TESPA1: variants seen among roughly 807,000 people sequenced by gnomAD.
The protein encoded by TESPA1 is protein TESPA1.
A neutral mutation model predicts 57.9 loss-of-function variants in TESPA1; 33 were observed. That is an observed-to-expected ratio of 0.57 (90% CI 0.43 to 0.76). The LOEUF is 0.76. TESPA1 is among the 30% of genes least tolerant of loss of function. The pLI, the probability that TESPA1 is intolerant of heterozygous loss-of-function variation, is 0.00. For missense variants in TESPA1, 618 were observed against 632.9 expected (o/e 0.98, Z 0.25); for synonymous variants, 227 against 228.9 (o/e 0.99, Z 0.07).
chr12:54,962,625 G>T lies in TESPA1; in HGVS notation c.1273C>A (p.Pro425Thr), dbSNP rs765407519. 4.3e-6 allele frequency: 7 copies of T among 1,613,890 alleles called. No individual in the cohort carries two copies. The Admixed American group carries it at 1.2e-4, about 27-fold the overall frequency. The change falls in exon 9 of 11, where the codon CCA (proline) becomes ACA (threonine). Residue 425 changes from proline to threonine, a missense_variant. By Grantham distance (38) the Pro-to-Thr change is conservative. Transcript: ENST00000449076. ...TTCCAGAAAGTCTCATCCTTGGCTG[G>T]ATGGGTTTCCGTATTGGTGGCTGGT... The part of the protein sequence containing the change: ...SLPATNTETH[P>T]AKDETFWKRK...
rs147959428 is a variant in TESPA1 at position 54,969,019 on chromosome 12, A to ATGTGTGTGTG, written c.207-1128_207-1127insCACACACACA. On this transcript the variant is annotated intron_variant, in intron 3 of 10. Coordinates refer to ENST00000449076, the MANE Select transcript of TESPA1 (RefSeq NM_001136030.3). ...AAAATAAGTCACTACATATTTATAT[A>ATGTGTGTGTG]TGTATATATATATATATATATATAT... Among the ~76,000 whole-genome samples, 533 of 127,714 alleles carry ATGTGTGTGTG rather than the reference A, an allele frequency of 4.2e-3. 9 individuals are homozygous for ATGTGTGTGTG. The highest frequency in any genetic ancestry group is 0.021 in the Middle Eastern group (5 of 240). The allele number at this position is 127,714 out of a possible 152,430, so 83.8% of individuals were successfully genotyped here.
intron 10 of TESPA1, among the ~76,000 whole-genome samples, chr12:54,951,672 G>C (rs1950399730): frequency 6.6e-6 from 1 of 151,956 alleles, no homozygotes; most frequent in African/African-American, 2.4e-5. Context: ...CAAATACAAT[G>C]GTATCTTTGC....
In TESPA1 at chr12:54,962,728, A is replaced by G. The variant is rs2136102924; in HGVS notation, c.1170T>C (p.Cys390=). The change falls in exon 9 of 11, where the codon TGT becomes TGC. Residue 390 remains cysteine (C), a synonymous_variant. Transcript: ENST00000449076. ...QTLDSNPKVP[C]CTHSLPIEDP... ...CTTCTATGGGCAGAGAATGTGTGCA[A>G]CAGGGTACCTTGGGGTTCGAATCCA... 3 of 1,613,930 alleles carry G rather than the reference A, an allele frequency of 1.9e-6. No individual in the cohort carries two copies. Among genetic ancestry groups the G allele is most frequent in the East Asian group, 2.2e-5 (1 of 44,870 alleles).
intron 2 of TESPA1, 196 bp from the exon 3 acceptor site, chr12:54,973,715 T>G: frequency 7.4e-7 from 1 of 1,344,992 alleles, no homozygotes; most frequent in South Asian, 2.0e-5. Context: ...CTCTCTCTGC[T>G]TCTTTTCTCC....
At chr12:54,971,725 T>A (rs7298237) in intron 3 of TESPA1, among the ~76,000 whole-genome samples, 16,536 of 150,372 alleles carry the variant, frequency 0.11, 996 homozygotes, top group Middle Eastern at 0.13. Context: ...TAATATATAA[T>A]GTAAAATAAA....
At chr12:54,972,182 G>A (rs940004734) in intron 3 of TESPA1, among the ~76,000 whole-genome samples, 16 of 152,162 alleles carry the variant, frequency 1.1e-4, no homozygotes, top group African/African-American at 3.9e-4. Flanking sequence ...ATAAATTTTG[G>A]TTCAGGGTTT....
At position 54,974,441 on chromosome 12, in the gene TESPA1, G is replaced by A. The variant is rs745747787; in HGVS notation, c.122C>T (p.Pro41Leu). 1.9e-5 allele frequency: 30 copies of A among 1,610,464 alleles called. No individual in the cohort carries two copies. The highest frequency in any genetic ancestry group is 1.7e-4 in the Middle Eastern group (1 of 6,054). The change falls in exon 2 of 11, where the codon CCA (proline) becomes CTA (leucine). Residue 41 changes from proline to leucine, a missense_variant. Pro to Leu is a moderately conservative substitution (Grantham distance 98). Around this residue, in one of 3 missense-constraint regions of TESPA1, gnomAD observed 199 missense variants for 184.0 expected, o/e 1.08. Coordinates refer to ENST00000449076, the MANE Select transcript of TESPA1 (RefSeq NM_001136030.3). ...EEAAAALQDV[P>L]DPEPSSLDDV... Reference sequence around the variant, plus strand: ...ATCCAGGCTGGAAGGCTCAGGATCTGGGACATCCTGCAGGGCGGCGGCAGC... The same window carrying A: ...ATCCAGGCTGGAAGGCTCAGGATCTAGGACATCCTGCAGGGCGGCGGCAGC...
intron 6 of TESPA1, 116 bp from the exon 7 acceptor site, chr12:54,966,267 C>T (rs760990194): frequency 1.5e-5 from 24 of 1,577,670 alleles, no homozygotes; most frequent in South Asian, 8.9e-5. Flanking sequence ...AGTGCTTGTT[C>T]GTTGGAAAGT....
In TESPA1 at chr12:54,976,697, A is replaced by G. The variant is rs78913657; in HGVS notation, c.-45-2090T>C. On this transcript the variant is annotated intron_variant, in intron 1 of 10. Transcript: ENST00000449076. ...TAGCCCTAACATTGATGCATCTAAT[A>G]CTACAAACTTCTGGATGTGCTATTT... Among the ~76,000 whole-genome samples the G allele has an allele frequency of 2.9e-4, 44 of 152,286 alleles. No homozygotes were observed. In the East Asian group the frequency reaches 8.3e-3, roughly 29 times the overall value.
intron 9 of TESPA1, 85 bp from the exon 10 acceptor site, chr12:54,961,352 G>A: frequency 6.8e-7 from 1 of 1,460,804 alleles, no homozygotes; most frequent in Non-Finnish European, 9.5e-7. Context: ...AGCTGTAGGG[G>A]AAGGAGGCTG....
intron 3 of TESPA1, among the ~76,000 whole-genome samples, chr12:54,969,437 A>C (rs1471795330): frequency 1.3e-5 from 2 of 152,066 alleles, no homozygotes; most frequent in Admixed American, 6.6e-5. Flanking sequence ...TAGTGCCACT[A>C]CTAAGGCCTA....
intron 4 of TESPA1, 122 bp from the exon 5 acceptor site, chr12:54,967,358 A>G: frequency 9.2e-7 from 1 of 1,084,368 alleles, no homozygotes; most frequent in Non-Finnish European, 1.4e-6. Flanking sequence ...ACAACCAGAT[A>G]ATCATACTAG....
At chr12:54,953,393 TTACC>T (rs1262853997) in intron 10 of TESPA1, among the ~76,000 whole-genome samples, 1 of 152,188 alleles carries the variant, frequency 6.6e-6, no homozygotes, top group African/African-American at 2.4e-5. Context: ...GTCTTTGAAC[TTACC>T]TTTCTCTCTG....
chr12:54,974,620 A>G lies in TESPA1; in HGVS notation c.-45-13T>C. On this transcript the variant is annotated splice_polypyrimidine_tract_variant and intron_variant, in intron 1 of 10. Transcript: ENST00000449076. Reference sequence around the variant, plus strand: ...CAGTAATGCCGTCCTAAGAGTTGAAAAACAGTGATACTCCCTCATCATATG... The same window carrying G: ...CAGTAATGCCGTCCTAAGAGTTGAAGAACAGTGATACTCCCTCATCATATG... The G allele has an allele frequency of 1.4e-6, 2 of 1,429,762 alleles. No individual in the cohort carries two copies. The highest frequency in any genetic ancestry group is 1.8e-6 in the Non-Finnish European group (2 of 1,083,186). 88.6% of individuals were successfully genotyped at this position (1,429,762 alleles called of 1,614,324 possible).
intron 3 of TESPA1, among the ~76,000 whole-genome samples, chr12:54,972,206 A>C (rs1477722225): frequency 6.6e-6 from 1 of 152,218 alleles, no homozygotes; most frequent in Non-Finnish European, 1.5e-5. Context: ...TTTGTAGAGC[A>C]TGAGTGAAGA....
Position 54,949,379 on chromosome 12 carries a change from GTTT to G in TESPA1, c.*1010_*1012del, listed in dbSNP as rs10580548. On this transcript the variant is annotated 3_prime_UTR_variant, in exon 11 of 11. Coordinates refer to ENST00000449076, the MANE Select transcript of TESPA1 (RefSeq NM_001136030.3). ...AATTCCCTCAAGTCCCTCTCTTCCTGTTTTTTTTTTTTTTTTCTTTTGTCTCAC... is the reference window on the plus strand; with the variant it reads ...AATTCCCTCAAGTCCCTCTCTTCCTGTTTTTTTTTTTTTCTTTTGTCTCAC... 5.6e-3 allele frequency: 793 copies of G among 141,506 alleles called. 7 individuals are homozygous for G. Among genetic ancestry groups the G allele is most frequent in the South Asian group, 0.012 (53 of 4,550 alleles). The allele number at this position is 141,506 out of a possible 1,614,324, so 8.8% of individuals were successfully genotyped here.
rs79010519 is a variant in TESPA1, at chr12:54,959,379, G to A, written c.*1+1789C>T. Among the ~76,000 whole-genome samples the A allele has an allele frequency of 3.3e-4, 50 of 152,330 alleles. No homozygotes were observed. The East Asian group carries it at 6.6e-3, about 20-fold the overall frequency. The stretch of plus-strand genomic sequence containing the variant: ...AAGACTTTGTTAAGAGGAATAGAAT[G>A]CTCTGCTGCATTTCAAAATGGTTCC... On this transcript the variant is annotated intron_variant, in intron 10 of 10. Coordinates refer to ENST00000449076, the MANE Select transcript of TESPA1 (RefSeq NM_001136030.3).
In TESPA1 at chr12:54,963,784, C is replaced by A. The variant is rs1281782116; in HGVS notation, c.613G>T (p.Val205Leu). 1.2e-6 allele frequency: 2 copies of A among 1,613,852 alleles called. No homozygotes were observed. Among genetic ancestry groups the A allele is most frequent in the Non-Finnish European group, 1.7e-6 (2 of 1,179,880 alleles). Reference protein sequence around the residue: ...IDFQLFLKSQVRRIEMEDPCL... With the variant: ...IDFQLFLKSQLRRIEMEDPCL... ...GGGTCTTCCATTTCAATCCTCCGCA[C>A]CTGGGACTTCAGGAAGAGCTGGAAA... Residue 205 changes from valine (V) to leucine (L), a missense_variant, in exon 8 of 11, where the codon GTG becomes TTG. Physicochemically the swap from Val to Leu is conservative, Grantham distance 32 (BLOSUM62 1). Around this residue, in one of 3 missense-constraint regions of TESPA1, gnomAD observed 409 missense variants for 420.1 expected, o/e 0.97. Transcript: ENST00000449076.
At chr12:54,951,661 A>G (rs1950398810) in intron 10 of TESPA1, among the ~76,000 whole-genome samples, 1 of 152,206 alleles carries the variant, frequency 6.6e-6, no homozygotes, top group African/African-American at 2.4e-5. Flanking sequence ...TTATCTAGTC[A>G]CAAATACAAT....
Sources: gnomAD v4.1 joint callset for allele counts (sites outside exome capture counted in the v4.1 genomes callset) on GRCh38, gnomAD v4.1.1 for gene constraint, gnomAD v4.1.1 regional missense constraint, MANE v1.5 for transcripts, NCBI Gene and HGNC (gene_info 2026-07-23, HGNC 2026-07-21) for gene names.